The following POMP variants were observed in gnomAD, a reference collection of about 807,000 sequenced individuals.
The protein encoded by POMP is proteasome maturation protein.
Under a neutral mutation model 20.6 loss-of-function variants are expected in POMP, and 12 were observed. That is an observed-to-expected ratio of 0.58 (90% CI 0.37 to 0.94). POMP has a LOEUF of 0.94. Among genes scored for constraint, POMP ranks in the 40% least tolerant of loss-of-function variants. The pLI is 0.01. For missense variants in POMP, 136 were observed against 161.1 expected (o/e 0.84, Z 0.84); for synonymous variants, 53 against 55.0 (o/e 0.96, Z 0.16).
chr13:28,665,440 G>A (rs1218291607), intron 3 of POMP, among the ~76,000 whole-genome samples: 4 of 152,142 alleles, frequency 2.6e-5, no homozygotes, highest in African/African-American at 4.8e-5. Context: ...ATTCCTCATC[G>A]ATTTAAGTGA....
Position 28,678,403 on chromosome 13 carries a change from GT to G in POMP, c.*308del. 6.4e-6 allele frequency: 2 copies of G among 312,508 alleles called. No individual in the cohort carries two copies. Among genetic ancestry groups the G allele is most frequent in the African/African-American group, 2.2e-5 (1 of 46,018 alleles). 19.4% of individuals were successfully genotyped at this position (312,508 alleles called of 1,614,324 possible). On this transcript the variant is annotated 3_prime_UTR_variant, in exon 6 of 6. Coordinates refer to ENST00000380842, the MANE Select transcript of POMP (RefSeq NM_015932.6). Reference sequence around the variant, plus strand: ...AGGTTTCAATTCAACCTGTTTCTAGGTTTTTTTGTAAATTTAGTTTTGATTA... The same window carrying G: ...AGGTTTCAATTCAACCTGTTTCTAGGTTTTTTGTAAATTTAGTTTTGATTA...
chr13:28,672,847 T>A (rs77941575), intron 5 of POMP, among the ~76,000 whole-genome samples: 1 of 152,198 alleles, frequency 6.6e-6, no homozygotes, highest in Non-Finnish European at 1.5e-5. Flanking sequence ...TCAAGTGTAA[T>A]ATGTCAGTCT....
intron 1 of POMP, chr13:28,659,792 A>T (rs900105152): frequency 3.3e-5 from 5 of 152,778 alleles, no homozygotes; most frequent in African/African-American, 4.8e-5. Context: ...TCTCCTCCCC[A>T]CCACTTTCTC....
intron 2 of POMP, among the ~76,000 whole-genome samples, chr13:28,663,313 A>C (rs1884381213): frequency 6.6e-6 from 1 of 151,812 alleles, no homozygotes; most frequent in Non-Finnish European, 1.5e-5. Context: ...TTTTTTGTTT[A>C]TTTATTTATT....
At chr13:28,664,967 G>T (rs1344784420) in intron 3 of POMP, among the ~76,000 whole-genome samples, 1 of 152,166 alleles carries the variant, frequency 6.6e-6, no homozygotes, top group East Asian at 1.9e-4. Flanking sequence ...GGCACAGTAG[G>T]TACTTCGATG....
chr13:28,675,778 G>C (rs1428203597), intron 5 of POMP, among the ~76,000 whole-genome samples: 1 of 152,116 alleles, frequency 6.6e-6, no homozygotes, highest in Non-Finnish European at 1.5e-5. Context: ...ATCTGCTTCT[G>C]GTAAGGGCCT....
chr13:28,669,454 C>T (rs529273858), intron 4 of POMP, among the ~76,000 whole-genome samples: 1 of 152,168 alleles, frequency 6.6e-6, no homozygotes. Context: ...TAGCTCACTG[C>T]ATCCTCAAAC....
chr13:28,659,327 A>C, intron 1 of POMP, 140 bp downstream of exon 1: 2 of 1,380,896 alleles, frequency 1.4e-6, no homozygotes, highest in Non-Finnish European at 2.0e-6. Context: ...AGGCGCCATA[A>C]TCTGTCGAGT....
intron 5 of POMP, 32 bp from the exon 6 acceptor site, chr13:28,678,003 C>A: frequency 6.2e-7 from 1 of 1,600,634 alleles, no homozygotes; most frequent in South Asian, 1.1e-5. Context: ...TTTTGAGAGT[C>A]TTTTAAAATG....
intron 4 of POMP, among the ~76,000 whole-genome samples, chr13:28,671,321 T>A (rs1221723201): frequency 6.6e-6 from 1 of 152,208 alleles, no homozygotes; most frequent in African/African-American, 2.4e-5. Flanking sequence ...AATCACATGT[T>A]TGGCACAAAA....
chr13:28,676,957 AT>A (rs1317497141), intron 5 of POMP, among the ~76,000 whole-genome samples: 3 of 152,170 alleles, frequency 2.0e-5, no homozygotes, highest in Non-Finnish European at 4.4e-5. Context: ...GGTGCAAGTG[AT>A]TTATTTAATA....
chr13:28,678,177 AC>A lies in POMP; in HGVS notation c.*76del. The A allele has an allele frequency of 7.2e-7, 1 of 1,397,894 alleles. No homozygotes were observed. Among genetic ancestry groups the A allele is most frequent in the Non-Finnish European group, 1.0e-6 (1 of 984,422 alleles). 86.6% of individuals were successfully genotyped at this position (1,397,894 alleles called of 1,614,324 possible). A position where few individuals can be genotyped will look rare whatever the true frequency, so the allele number is the denominator to read the frequency against. ...TTTGTACTGTAATTTGATGTACACA[AC>A]ATTAAAAGTACTGACACCTGAGAAT... On this transcript the variant is annotated 3_prime_UTR_variant, in exon 6 of 6. Coordinates refer to ENST00000380842, the MANE Select transcript of POMP (RefSeq NM_015932.6).
At chr13:28,668,887 T>TTTGTTGC (rs1351380129) in intron 4 of POMP, among the ~76,000 whole-genome samples, 2 of 152,182 alleles carry the variant, frequency 1.3e-5, no homozygotes, top group African/African-American at 4.8e-5. Flanking sequence ...AAGTATACAA[T>TTTGTTGC]TTGTATATAG....
intron 4 of POMP, 59 bp downstream of exon 4, chr13:28,668,633 T>C (rs1253095958): frequency 7.7e-7 from 1 of 1,304,628 alleles, no homozygotes; most frequent in African/African-American, 1.5e-5. Context: ...AATCTTCTGT[T>C]TTCATAACAG....
rs1884287222 is a variant in POMP, at chr13:28,659,202, G to A, written c.3+15G>A. The A allele has an allele frequency of 6.3e-7, 1 of 1,588,608 alleles. No homozygotes were observed. Among genetic ancestry groups the A allele is most frequent in the South Asian group, 1.1e-5 (1 of 87,372 alleles). ...TGCGGAAGATGGTGAGTGGGTACCC[G>A]GGCGGCTGGAGTTCCACGCGGGCTC... On this transcript the variant is annotated intron_variant, in intron 1 of 5. Transcript: ENST00000380842.
intron 5 of POMP, among the ~76,000 whole-genome samples, chr13:28,675,373 C>G (rs1039867310): frequency 2.6e-5 from 4 of 151,988 alleles, no homozygotes; most frequent in Non-Finnish European, 5.9e-5. Flanking sequence ...TCCTGACCTC[C>G]GGTAGTCTGC....
chr13:28,672,806 A>G (rs1240029734), intron 5 of POMP, among the ~76,000 whole-genome samples: 1 of 152,140 alleles, frequency 6.6e-6, no homozygotes, highest in African/African-American at 2.4e-5. Context: ...TCAGTCTAGT[A>G]ATGGTGGTTA....
intron 5 of POMP, among the ~76,000 whole-genome samples, chr13:28,672,941 T>C (rs1884574661): frequency 6.6e-6 from 1 of 152,168 alleles, no homozygotes; most frequent in Non-Finnish European, 1.5e-5. Context: ...TTTGTGTGTT[T>C]AGTTTGATTT....
intron 3 of POMP, among the ~76,000 whole-genome samples, chr13:28,666,092 A>C (rs145983477): frequency 0.024 from 3,626 of 152,370 alleles, 70 homozygotes; most frequent in Non-Finnish European, 0.037. Context: ...TAATTGAACT[A>C]TATCATGGTG....
Sources: allele counts gnomAD v4.1 joint callset (sites outside exome capture counted in the v4.1 genomes callset), GRCh38; gene constraint gnomAD v4.1.1; transcripts MANE v1.5; gene names NCBI Gene and HGNC (gene_info 2026-07-23, HGNC 2026-07-21).